The following DSCAM variants were observed in gnomAD, a reference collection of about 807,000 sequenced individuals.
DSCAM encodes cell adhesion molecule DSCAM.
Under a neutral mutation model 217.7 loss-of-function variants are expected in DSCAM, and 47 were observed. That is an observed-to-expected ratio of 0.22 (90% CI 0.17 to 0.28). The LOEUF is 0.28. Among genes scored for constraint, DSCAM ranks in the 10% least tolerant of loss-of-function variants. DSCAM has a pLI of 1.00. For synonymous variants in DSCAM, 1,056 were observed against 1,015.3 expected (o/e 1.04, Z -0.76); for missense variants, 2,080 against 2,618.3 (o/e 0.79, Z 4.49).
At chr21:40,472,669 T>G (rs1209591805) in intron 3 of DSCAM, among the ~76,000 whole-genome samples, 2 of 152,232 alleles carry the variant, frequency 1.3e-5, no homozygotes, top group Non-Finnish European at 2.9e-5. Context: ...CGATTTGGTT[T>G]GTTTCACTTG....
intron 3 of DSCAM, among the ~76,000 whole-genome samples, chr21:40,510,513 G>T (rs1333315096): frequency 2.0e-5 from 3 of 152,200 alleles, no homozygotes; most frequent in East Asian, 3.8e-4. Context: ...ATTGACAAAG[G>T]TTTATTGAAA....
chr21:40,103,893 T>G (rs1005239083), intron 20 of DSCAM, among the ~76,000 whole-genome samples: 5 of 151,674 alleles, frequency 3.3e-5, no homozygotes, highest in Non-Finnish European at 7.4e-5. Flanking sequence ...TATTGGCTAC[T>G]TTTAAAAAGC....
intron 27 of DSCAM, 150 bp from the exon 28 acceptor site, chr21:40,063,049 T>C: frequency 3.9e-6 from 2 of 517,502 alleles, no homozygotes; most frequent in Non-Finnish European, 6.4e-6. Context: ...TAGAGTTTCA[T>C]GGAGTCCTTA....
intron 1 of DSCAM, among the ~76,000 whole-genome samples, chr21:40,837,326 G>A (rs958706288): frequency 1.3e-5 from 2 of 152,048 alleles, no homozygotes; most frequent in Non-Finnish European, 2.9e-5. Context: ...GGGGCCCCTC[G>A]TGCCTGTGAT....
intron 3 of DSCAM, among the ~76,000 whole-genome samples, chr21:40,641,190 CAG>C (rs2089874246): frequency 6.6e-6 from 1 of 152,034 alleles, no homozygotes; most frequent in Non-Finnish European, 1.5e-5. Context: ...ATGAGATAAA[CAG>C]AGCGCATGGC....
intron 8 of DSCAM, among the ~76,000 whole-genome samples, chr21:40,326,261 T>G (rs1442639000): frequency 6.6e-6 from 1 of 152,154 alleles, no homozygotes; most frequent in East Asian, 1.9e-4. Flanking sequence ...ATTGGGATTT[T>G]TGTTCATGAG....
intron 32 of DSCAM, among the ~76,000 whole-genome samples, chr21:40,026,031 A>G (rs2088374549): frequency 7.1e-6 from 1 of 140,540 alleles, no homozygotes; most frequent in African/African-American, 2.5e-5. Flanking sequence ...TTCCCTGTAC[A>G]CACTGCTTTG....
intron 1 of DSCAM, among the ~76,000 whole-genome samples, chr21:40,768,139 C>T (rs1324641923): frequency 1.3e-5 from 2 of 152,204 alleles, no homozygotes; most frequent in African/African-American, 2.4e-5. Flanking sequence ...TAGGCTATAA[C>T]TTCATTAAAG....
intron 3 of DSCAM, among the ~76,000 whole-genome samples, chr21:40,488,349 A>G (rs2076047535): frequency 6.6e-6 from 1 of 150,738 alleles, no homozygotes; most frequent in South Asian, 2.1e-4. Flanking sequence ...TTCTCTCCAT[A>G]TCGGGGATCC....
intron 15 of DSCAM, among the ~76,000 whole-genome samples, chr21:40,173,396 G>A (rs989505403): frequency 1.3e-5 from 2 of 152,126 alleles, no homozygotes; most frequent in South Asian, 4.1e-4. Context: ...GCAGACAGGG[G>A]TATACACAAT....
intron 3 of DSCAM, among the ~76,000 whole-genome samples, chr21:40,534,036 C>G (rs935244059): frequency 6.6e-6 from 1 of 152,058 alleles, no homozygotes; most frequent in Non-Finnish European, 1.5e-5. Context: ...TACTTTATTC[C>G]TATGGAATAA....
intron 11 of DSCAM, among the ~76,000 whole-genome samples, chr21:40,249,354 A>G (rs528550391): frequency 6.6e-6 from 1 of 152,228 alleles, no homozygotes; most frequent in East Asian, 2.0e-4. Context: ...AAGTCTCATG[A>G]GATCTGATGG....
chr21:40,659,430 ATCTC>A (rs2090113992), intron 3 of DSCAM, among the ~76,000 whole-genome samples: 1 of 151,222 alleles, frequency 6.6e-6, no homozygotes, highest in Non-Finnish European at 1.5e-5. Flanking sequence ...GTTATCTATC[ATCTC>A]TCTCATATCT....
chr21:40,335,592 A>G (rs558064149), intron 8 of DSCAM, among the ~76,000 whole-genome samples: 6 of 152,330 alleles, frequency 3.9e-5, no homozygotes, highest in Non-Finnish European at 7.3e-5. Context: ...TATTTATCCA[A>G]TGGTCATACT....
At chr21:40,585,327 A>C (rs2076937084) in intron 3 of DSCAM, among the ~76,000 whole-genome samples, 1 of 55,630 alleles carries the variant, frequency 1.8e-5, no homozygotes, top group Non-Finnish European at 4.7e-5. Context: ...GTGTTAAAGA[A>C]AAATGCTGCG....
At chr21:40,195,122 TAC>T (rs2090993404) in intron 11 of DSCAM, among the ~76,000 whole-genome samples, 1 of 152,216 alleles carries the variant, frequency 6.6e-6, no homozygotes, top group Non-Finnish European at 1.5e-5. Context: ...TTTGTCACTG[TAC>T]GTTTTGACAA....
chr21:40,816,073 C>T lies in DSCAM; in HGVS notation c.43+30546G>A, dbSNP rs192716827. Among the ~76,000 whole-genome samples, 36 of 152,280 alleles carry T rather than the reference C, an allele frequency of 2.4e-4. No individual in the cohort carries two copies. In the East Asian group the frequency reaches 6.6e-3, roughly 28 times the overall value. ...CTGCTTCCAATCTATTATCCCTTCCCGTCTACTAGAGAAACAATGTCAAAA... is the reference window on the plus strand; with the variant it reads ...CTGCTTCCAATCTATTATCCCTTCCTGTCTACTAGAGAAACAATGTCAAAA... On this transcript the variant is annotated intron_variant, in intron 1 of 32. Coordinates refer to ENST00000400454, the MANE Select transcript of DSCAM (RefSeq NM_001389.5).
chr21:40,515,374 C>A (rs138566873), intron 3 of DSCAM, among the ~76,000 whole-genome samples: 2,668 of 152,236 alleles, frequency 0.018, 90 homozygotes, highest in African/African-American at 0.059. Flanking sequence ...GCCTCATTTT[C>A]TCCACTGCTT....
chr21:40,725,711 T>C (rs2090948984), intron 1 of DSCAM, among the ~76,000 whole-genome samples: 1 of 152,150 alleles, frequency 6.6e-6, no homozygotes, highest in Non-Finnish European at 1.5e-5. Context: ...AAAGGTGCCA[T>C]CATTTCTGGG....
Sources: gnomAD v4.1 joint callset for allele counts (sites outside exome capture counted in the v4.1 genomes callset) on GRCh38, gnomAD v4.1.1 for gene constraint, MANE v1.5 for transcripts, NCBI Gene and HGNC (gene_info 2026-07-23, HGNC 2026-07-21) for gene names.